The following PRPF18 variants were observed in gnomAD, a reference collection of about 807,000 sequenced individuals.
PRPF18 encodes the protein pre-mRNA-splicing factor 18.
A neutral mutation model predicts 46.5 loss-of-function variants in PRPF18; 38 were observed. The ratio of observed to expected loss-of-function variants is 0.82; its 90% CI spans 0.63 to 1.07. The LOEUF (loss-of-function observed/expected upper bound fraction) is 1.07. Among genes scored for constraint, PRPF18 ranks in the 50% least tolerant of loss-of-function variants. PRPF18 has a pLI of 0.00. For missense variants in PRPF18, 263 were observed against 410.0 expected, an observed-to-expected ratio of 0.64 and a Z score of 3.10; for synonymous variants, 152 against 146.7, an observed-to-expected ratio of 1.04 and a Z score of -0.26.
chr10:13,601,624 A>G (rs2080111609), intron 3 of PRPF18, among the ~76,000 whole-genome samples: 1 of 152,130 alleles, frequency 6.6e-6, no homozygotes, highest in African/African-American at 2.4e-5. Flanking sequence ...TTTTCACTTA[A>G]AAGTACATTT....
intron 9 of PRPF18, among the ~76,000 whole-genome samples, chr10:13,623,807 C>T (rs1367424088): frequency 1.3e-5 from 2 of 152,102 alleles, no homozygotes; most frequent in African/African-American, 2.4e-5. Flanking sequence ...AAAGAACTTT[C>T]ATTATCCAGG....
At chr10:13,611,905 G>T (rs1378612100) in intron 6 of PRPF18, among the ~76,000 whole-genome samples, 5 of 148,868 alleles carry the variant, frequency 3.4e-5, no homozygotes, top group Non-Finnish European at 7.4e-5. Flanking sequence ...TGGAAACAGA[G>T]TCTTGCTCTT....
At chr10:13,603,680 T>G (rs900536144) in intron 3 of PRPF18, among the ~76,000 whole-genome samples, 6 of 152,236 alleles carry the variant, frequency 3.9e-5, no homozygotes, top group African/African-American at 1.4e-4. Context: ...TGGATAGGAC[T>G]GAATGTAAGT....
chr10:13,601,398 T>A (rs2080107153), intron 3 of PRPF18, among the ~76,000 whole-genome samples: 3 of 152,192 alleles, frequency 2.0e-5, no homozygotes. Flanking sequence ...ATCATAAAAT[T>A]TAAAGATAAT....
At chr10:13,591,715 A>T (rs2079964560) in intron 1 of PRPF18, 1 of 890,942 alleles carries the variant, frequency 1.1e-6, no homozygotes, top group East Asian at 3.0e-5. Flanking sequence ...TACATCGCTG[A>T]TAACAATTTT....
chr10:13,619,696 A>G (rs1564461030), intron 9 of PRPF18, among the ~76,000 whole-genome samples: 2 of 152,110 alleles, frequency 1.3e-5, no homozygotes, highest in Non-Finnish European at 2.9e-5. Flanking sequence ...GCTGTAAGAG[A>G]AATGAGCAAT....
intron 1 of PRPF18, among the ~76,000 whole-genome samples, chr10:13,595,309 G>A (rs2080017816): frequency 6.6e-6 from 1 of 152,226 alleles, no homozygotes; most frequent in African/African-American, 2.4e-5. Flanking sequence ...TGTTAGGTGT[G>A]TTCAATGGAA....
chr10:13,601,508 G>A (rs781499994), intron 3 of PRPF18, among the ~76,000 whole-genome samples: 4 of 152,094 alleles, frequency 2.6e-5, no homozygotes, highest in South Asian at 2.1e-4. Flanking sequence ...CCTGTGCCCC[G>A]ATCAGTCCTC....
At chr10:13,617,624 A>G (rs906976060) in intron 9 of PRPF18, among the ~76,000 whole-genome samples, 2 of 152,196 alleles carry the variant, frequency 1.3e-5, no homozygotes, top group African/African-American at 4.8e-5. Context: ...GTTCATCTAT[A>G]TTGTGGCCAA....
In PRPF18 at chr10:13,613,362, C is replaced by T. The variant is rs536513863; in HGVS notation, c.580-379C>T. The stretch of plus-strand genomic sequence containing the variant: ...TTTTTAAACTTAATCATGGTCTCTA[C>T]AGCATATGTAGAAAGTCCAGTTTTC... On this transcript the variant is annotated intron_variant, in intron 6 of 9. Transcript: ENST00000378572. Among the ~76,000 whole-genome samples, 9 of 152,304 alleles carry T rather than the reference C, an allele frequency of 5.9e-5. 1 individual carries two copies. Among genetic ancestry groups the T allele is most frequent in the African/African-American group, 1.9e-4 (8 of 41,552 alleles).
chr10:13,654,853 T>C, the PRPF18 span: 9,696 of 346,382 alleles, frequency 0.028, 591 homozygotes, highest in African/African-American at 0.14. Flanking sequence ...CAGCAAAGAA[T>C]CTGATGTCCC....
At chr10:13,650,149 G>T in the PRPF18 span, among the ~76,000 whole-genome samples, 1 of 152,380 alleles carries the variant, frequency 6.6e-6, no homozygotes, top group South Asian at 2.1e-4. Context: ...ACAGGGTTTT[G>T]TGGTTTATAA....
chr10:13,597,684 G>A, intron 2 of PRPF18, 149 bp downstream of exon 2: 1 of 1,589,044 alleles, frequency 6.3e-7, no homozygotes, highest in Non-Finnish European at 8.6e-7. Flanking sequence ...ATGAGTTTTT[G>A]TTTTTGCATT....
intron 3 of PRPF18, among the ~76,000 whole-genome samples, chr10:13,602,996 TGCTGGGATTACCG>T (rs2080134565): frequency 6.6e-6 from 1 of 152,252 alleles, no homozygotes; most frequent in Non-Finnish European, 1.5e-5. Context: ...CCTCACAAAG[TGCTGGGATTACCG>T]GCGAGGGCCA....
At chr10:13,589,255 T>C (rs187274206) in intron 1 of PRPF18, among the ~76,000 whole-genome samples, 40 of 152,340 alleles carry the variant, frequency 2.6e-4, no homozygotes, top group Non-Finnish European at 5.3e-4. Flanking sequence ...TACCCAAGTC[T>C]GAAGAACCAT....
chr10:13,627,128 G>T (rs1380939717), intron 9 of PRPF18, among the ~76,000 whole-genome samples: 1 of 152,044 alleles, frequency 6.6e-6, no homozygotes, highest in Non-Finnish European at 1.5e-5. Context: ...AACCCTGCAG[G>T]GGCTTCCTAG....
At chr10:13,649,099 T>C in the PRPF18 span, 1 of 152,222 alleles carries the variant, frequency 6.6e-6, no homozygotes, top group Non-Finnish European at 1.5e-5. Context: ...AAAAATACTC[T>C]TAAATGGGCT....
intron 1 of PRPF18, among the ~76,000 whole-genome samples, chr10:13,587,903 T>G (rs560201258): frequency 1.3e-5 from 2 of 152,180 alleles, no homozygotes; most frequent in African/African-American, 4.8e-5. Flanking sequence ...CTCACGGCCT[T>G]CTTTCCGGTA....
intron 9 of PRPF18, among the ~76,000 whole-genome samples, chr10:13,620,360 A>G (rs1235632142): frequency 6.6e-6 from 1 of 152,210 alleles, no homozygotes; most frequent in Admixed American, 6.5e-5. Context: ...TTACACTAAG[A>G]TGTTGGCCGA....
Sources: gnomAD v4.1 joint callset for allele counts (sites outside exome capture counted in the v4.1 genomes callset) on GRCh38, gnomAD v4.1.1 for gene constraint, MANE v1.5 for transcripts, NCBI Gene and HGNC (gene_info 2026-07-23, HGNC 2026-07-21) for gene names.